The following DCAF12 variants were observed in gnomAD, a reference collection of about 807,000 sequenced individuals.
DCAF12 encodes the protein DDB1- and CUL4-associated factor 12.
Under a neutral mutation model 52.8 loss-of-function variants are expected in DCAF12, and 28 were observed. The observed-to-expected ratio is 0.53, with a 90% CI of 0.39 to 0.73. DCAF12 has a LOEUF of 0.73. DCAF12 is among the 30% of genes least tolerant of loss of function. The pLI is 0.00. For synonymous variants in DCAF12, 196 were observed against 215.5 expected (o/e 0.91, Z 0.79); for missense variants, 425 against 552.2 (o/e 0.77, Z 2.31).
intron 2 of DCAF12, among the ~76,000 whole-genome samples, chr9:34,115,587 G>A (rs1564101715): frequency 6.9e-6 from 1 of 145,404 alleles, no homozygotes; most frequent in Admixed American, 7.0e-5. Context: ...GACAGAGCAA[G>A]ACTTCGTCTC....
intron 2 of DCAF12, among the ~76,000 whole-genome samples, chr9:34,111,038 T>G (rs1451401996): frequency 6.8e-6 from 1 of 146,198 alleles, no homozygotes; most frequent in Non-Finnish European, 1.5e-5. Context: ...CAGGCTGGAG[T>G]GCAGTGGCAT....
At chr9:34,113,834 C>T (rs2131439430) in intron 2 of DCAF12, among the ~76,000 whole-genome samples, 1 of 151,598 alleles carries the variant, frequency 6.6e-6, no homozygotes, top group African/African-American at 2.4e-5. Flanking sequence ...ACAGGCCAGG[C>T]GCAGTGGCTC....
intron 4 of DCAF12, among the ~76,000 whole-genome samples, chr9:34,103,162 G>T (rs535528583): frequency 6.9e-6 from 1 of 145,110 alleles, no homozygotes; most frequent in Non-Finnish European, 1.5e-5. Flanking sequence ...CTGTAATCCC[G>T]GCACTTTAGG....
chr9:34,088,589 C>T (rs1828596912), intron 8 of DCAF12, 81 bp from the exon 9 acceptor site: 1 of 1,518,698 alleles, frequency 6.6e-7, no homozygotes, highest in African/African-American at 1.4e-5. Flanking sequence ...GGAATGCTTT[C>T]TGGTCTCCTT....
chr9:34,094,802 T>C (rs950033037), intron 6 of DCAF12, among the ~76,000 whole-genome samples: 5 of 152,110 alleles, frequency 3.3e-5, no homozygotes, highest in African/African-American at 1.2e-4. Context: ...AGTGCTGGGA[T>C]TATAGGCGTG....
At chr9:34,096,905 G>T in intron 5 of DCAF12, 124 bp from the exon 6 acceptor site, 1 of 805,010 alleles carries the variant, frequency 1.2e-6, no homozygotes. Context: ...CAGCAGAGGT[G>T]CCAGTAATTA....
chr9:34,093,637 C>T (rs1051184688), intron 6 of DCAF12, 189 bp from the exon 7 acceptor site: 10 of 584,766 alleles, frequency 1.7e-5, no homozygotes, highest in Middle Eastern at 4.6e-4. Context: ...TGTTAATAAA[C>T]GGTAAGACCT....
Position 34,103,859 on chromosome 9 carries a change from A to G in DCAF12, c.601+2575T>C, listed in dbSNP as rs534718514. ...CTGTCTCAACAACAACAACAGTAAC[A>G]ACAACAACGAAAATGTGTTTTAAAA... On this transcript the variant is annotated intron_variant, in intron 4 of 8. Transcript: ENST00000361264. Among the ~76,000 whole-genome samples the G allele has an allele frequency of 5.3e-5, 8 of 152,224 alleles. No homozygotes were observed. The South Asian group carries it at 1.5e-3, about 28-fold the overall frequency.
Position 34,093,277 on chromosome 9 carries a change from G to A in DCAF12, c.1024+9C>T, listed in dbSNP as rs568707808. Reference sequence around the variant, plus strand: ...GCTGTAGGCCTGAGGTGCACACAGGGACTCTTACCACTGCCTCGCTCCCTG... The same window carrying A: ...GCTGTAGGCCTGAGGTGCACACAGGAACTCTTACCACTGCCTCGCTCCCTG... On this transcript the variant is annotated intron_variant, in intron 7 of 8. Coordinates refer to ENST00000361264, the MANE Select transcript of DCAF12 (RefSeq NM_015397.4). 5 of 1,613,980 alleles carry A rather than the reference G, an allele frequency of 3.1e-6. No individual in the cohort carries two copies. The highest frequency in any genetic ancestry group is 4.2e-6 in the Non-Finnish European group (5 of 1,180,024).
In DCAF12 at chr9:34,092,682, C is replaced by T. The variant is rs1828663658; in HGVS notation, c.1024+604G>A. On this transcript the variant is annotated intron_variant, in intron 7 of 8. Transcript: ENST00000361264. ...GCCTGGCAAAAGAGCGAGACTCTGT[C>T]TCAAAAAAAAAAAACAACAACAACA... 3.5e-5 allele frequency among the ~76,000 whole-genome samples: 5 copies of T among 141,632 alleles called. No homozygotes were observed. The South Asian group carries it at 8.8e-4, about 25-fold the overall frequency. The allele number at this position is 141,632 out of a possible 152,430, so 92.9% of individuals were successfully genotyped here.
At chr9:34,117,161 A>G (rs1054749007) in intron 2 of DCAF12, among the ~76,000 whole-genome samples, 11 of 152,212 alleles carry the variant, frequency 7.2e-5, no homozygotes, top group African/African-American at 2.7e-4. Context: ...GACTTCGTGG[A>G]AGGAGGGCCA....
At chr9:34,106,808 C>A (rs1395817962) in intron 3 of DCAF12, among the ~76,000 whole-genome samples, 1 of 152,114 alleles carries the variant, frequency 6.6e-6, no homozygotes, top group Non-Finnish European at 1.5e-5. Flanking sequence ...ATGGCTTGTA[C>A]CCTCATTTCC....
intron 2 of DCAF12, among the ~76,000 whole-genome samples, chr9:34,116,086 G>A (rs1419404962): frequency 1.3e-5 from 2 of 152,140 alleles, no homozygotes; most frequent in East Asian, 1.9e-4. Flanking sequence ...ATCCAGGGCT[G>A]GGTGCGGTGG....
At chr9:34,116,735 A>G (rs1164179249) in intron 2 of DCAF12, among the ~76,000 whole-genome samples, 2 of 152,130 alleles carry the variant, frequency 1.3e-5, no homozygotes, top group Non-Finnish European at 2.9e-5. Context: ...TAATCCTAGC[A>G]CTTGGGAGGC....
intron 4 of DCAF12, 33 bp downstream of exon 4, chr9:34,106,401 C>T: frequency 1.3e-6 from 2 of 1,566,584 alleles, no homozygotes; most frequent in Non-Finnish European, 1.7e-6. Context: ...ATCCCTGCCA[C>T]ATCAAAAGCT....
Position 34,095,576 on chromosome 9 carries a change from A to G in DCAF12, c.861+1140T>C, listed in dbSNP as rs1828724027. Among the ~76,000 whole-genome samples, 3 of 151,828 alleles carry G rather than the reference A, an allele frequency of 2.0e-5. No homozygotes were observed. The South Asian group carries it at 6.2e-4, about 32-fold the overall frequency. On this transcript the variant is annotated intron_variant, in intron 6 of 8. Transcript: ENST00000361264. Reference sequence around the variant, plus strand: ...CTAATTTTTAAATTTTGTTGCAGAGATAGGGTCTTACTGTGTTGCCCAGGC... The same window carrying G: ...CTAATTTTTAAATTTTGTTGCAGAGGTAGGGTCTTACTGTGTTGCCCAGGC...
At chr9:34,117,775 G>A (rs928878474) in intron 2 of DCAF12, among the ~76,000 whole-genome samples, 22 of 152,074 alleles carry the variant, frequency 1.4e-4, no homozygotes, top group Non-Finnish European at 2.4e-4. Context: ...TTAGCTGGGT[G>A]TGGTGGCGCA....
chr9:34,118,921 C>A (rs530465481), intron 2 of DCAF12, among the ~76,000 whole-genome samples: 2 of 152,080 alleles, frequency 1.3e-5, no homozygotes, highest in Admixed American at 1.3e-4. Context: ...GCCAAGATTG[C>A]GCCAGTGCAC....
chr9:34,104,875 A>T (rs1316800508), intron 4 of DCAF12, among the ~76,000 whole-genome samples: 1 of 150,064 alleles, frequency 6.7e-6, no homozygotes, highest in East Asian at 2.0e-4. Flanking sequence ...CCAAGATTGC[A>T]CCATTGCACT....
Sources: allele counts gnomAD v4.1 joint callset (sites outside exome capture counted in the v4.1 genomes callset), GRCh38; gene constraint gnomAD v4.1.1; transcripts MANE v1.5; gene names NCBI Gene and HGNC (gene_info 2026-07-23, HGNC 2026-07-21).